The following SGCZ variants were observed in gnomAD, a reference collection of about 807,000 sequenced individuals.
SGCZ encodes zeta-sarcoglycan.
A neutral mutation model predicts 41.3 loss-of-function variants in SGCZ; 40 were observed. The ratio of observed to expected loss-of-function variants is 0.97; its 90% confidence interval spans 0.75 to 1.26. The LOEUF (loss-of-function observed/expected upper bound fraction) is 1.26. SGCZ is among the 50% of genes most tolerant of loss of function. SGCZ has a pLI of 0.00. For missense variants in SGCZ, 552 were observed against 369.8 expected (o/e 1.49, Z -4.04); for synonymous variants, 206 against 137.5 (o/e 1.50, Z -3.49).
chr8:14,665,817 C>A (rs1258099132), intron 1 of SGCZ, among the ~76,000 whole-genome samples: 2 of 152,112 alleles, frequency 1.3e-5, no homozygotes, highest in Non-Finnish European at 2.9e-5. Context: ...TGACAAAAGT[C>A]ATATGGTCAT....
chr8:14,959,225 T>C (rs1025213288), intron 1 of SGCZ, among the ~76,000 whole-genome samples: 8 of 152,118 alleles, frequency 5.3e-5, no homozygotes, highest in Non-Finnish European at 4.4e-5. Flanking sequence ...ATGAACATGA[T>C]ATGTAATTGG....
At chr8:14,098,447 C>A (rs1343571660) in intron 7 of SGCZ, among the ~76,000 whole-genome samples, 1 of 152,066 alleles carries the variant, frequency 6.6e-6, no homozygotes, top group African/African-American at 2.4e-5. Flanking sequence ...CTCTCTTCTC[C>A]CCAGGGAATG....
intron 1 of SGCZ, among the ~76,000 whole-genome samples, chr8:14,637,683 T>C (rs1368697370): frequency 6.6e-6 from 1 of 151,922 alleles, no homozygotes; most frequent in East Asian, 1.9e-4. Flanking sequence ...TAACATTCCA[T>C]GGTGTACATA....
intron 2 of SGCZ, among the ~76,000 whole-genome samples, chr8:14,514,721 A>T (rs533223421): frequency 6.7e-6 from 1 of 148,346 alleles, no homozygotes; most frequent in East Asian, 2.0e-4. Context: ...TTACATATAT[A>T]AACATATTTA....
At chr8:14,512,991 G>A (rs1019290635) in intron 2 of SGCZ, among the ~76,000 whole-genome samples, 1 of 152,236 alleles carries the variant, frequency 6.6e-6, no homozygotes, top group South Asian at 2.1e-4. Flanking sequence ...ATTATTCAGG[G>A]ATATATGCGG....
intron 1 of SGCZ, among the ~76,000 whole-genome samples, chr8:15,030,906 T>C (rs1275838148): frequency 6.6e-6 from 1 of 152,052 alleles, no homozygotes; most frequent in African/African-American, 2.4e-5. Flanking sequence ...ACAGTTTAAG[T>C]AAAGGAAATA....
chr8:14,362,270 C>A (rs1329450033), intron 2 of SGCZ, among the ~76,000 whole-genome samples: 1 of 152,166 alleles, frequency 6.6e-6, no homozygotes, highest in African/African-American at 2.4e-5. Context: ...TTCAGATATG[C>A]CCTGCCCCCG....
intron 1 of SGCZ, among the ~76,000 whole-genome samples, chr8:14,836,347 A>G (rs908110238): frequency 6.6e-5 from 10 of 152,220 alleles, no homozygotes; most frequent in Admixed American, 1.3e-4. Context: ...TATTGGGAGA[A>G]TATTTAAAGA....
At chr8:14,666,177 C>T (rs1358558874) in intron 1 of SGCZ, among the ~76,000 whole-genome samples, 1 of 152,140 alleles carries the variant, frequency 6.6e-6, no homozygotes, top group African/African-American at 2.4e-5. Flanking sequence ...CTAACAAATA[C>T]TAGGGTTGCA....
At chr8:14,668,812 A>C (rs1807997756) in intron 1 of SGCZ, among the ~76,000 whole-genome samples, 1 of 152,162 alleles carries the variant, frequency 6.6e-6, no homozygotes, top group South Asian at 2.1e-4. Flanking sequence ...AAAATTTGAC[A>C]AACATATATT....
intron 4 of SGCZ, among the ~76,000 whole-genome samples, chr8:14,236,417 TG>T (rs1367535331): frequency 2.0e-4 from 31 of 152,240 alleles, no homozygotes; most frequent in Non-Finnish European, 3.5e-4. Context: ...TATGCTAAAA[TG>T]TCTCCTTTTT....
chr8:14,642,864 G>A (rs183880755), intron 1 of SGCZ, among the ~76,000 whole-genome samples: 2 of 151,334 alleles, frequency 1.3e-5, no homozygotes, highest in Non-Finnish European at 3.0e-5. Context: ...GAAAGCATAG[G>A]GCAATATGTT....
chr8:15,122,825 G>C (rs1222749572), intron 1 of SGCZ, among the ~76,000 whole-genome samples: 1 of 152,110 alleles, frequency 6.6e-6, no homozygotes, highest in Non-Finnish European at 1.5e-5. Context: ...TGAGATTCAG[G>C]AGGTCTGGAA....
chr8:14,775,261 T>C (rs1158417321), intron 1 of SGCZ, among the ~76,000 whole-genome samples: 1 of 152,116 alleles, frequency 6.6e-6, no homozygotes, highest in Non-Finnish European at 1.5e-5. Flanking sequence ...GTCTAGAGTG[T>C]AGAGCCCAGA....
At chr8:14,422,473 G>A (rs141646836) in intron 2 of SGCZ, among the ~76,000 whole-genome samples, 1,673 of 152,200 alleles carry the variant, frequency 0.011, 19 homozygotes, top group Middle Eastern at 0.024. Context: ...TGAAAATCTC[G>A]TTTCAAACTT....
chr8:14,774,185 A>G (rs1287392685), intron 1 of SGCZ, among the ~76,000 whole-genome samples: 1 of 152,150 alleles, frequency 6.6e-6, no homozygotes, highest in Non-Finnish European at 1.5e-5. Context: ...AAATGACTGA[A>G]TTTCCCTGAG....
chr8:14,574,558 T>C (rs1057261861), intron 1 of SGCZ, among the ~76,000 whole-genome samples: 1 of 152,284 alleles, frequency 6.6e-6, no homozygotes, highest in Admixed American at 6.5e-5. Context: ...GTTTCCCCAC[T>C]CTGTTGCCAT....
intron 1 of SGCZ, among the ~76,000 whole-genome samples, chr8:14,835,735 G>T (rs148357502): frequency 6.6e-6 from 1 of 152,146 alleles, no homozygotes; most frequent in Admixed American, 6.5e-5. Context: ...TCTTGGTAAC[G>T]CGGGCTGTGT....
intron 1 of SGCZ, among the ~76,000 whole-genome samples, chr8:15,127,812 C>T (rs980728896): frequency 7.9e-5 from 12 of 152,012 alleles, no homozygotes; most frequent in African/African-American, 2.9e-4. Flanking sequence ...AAAAGAAATT[C>T]CAAAGGAGAG....
Sources: allele counts gnomAD v4.1 joint callset (sites outside exome capture counted in the v4.1 genomes callset), GRCh38; gene constraint gnomAD v4.1.1; transcripts MANE v1.5; gene names NCBI Gene and HGNC (gene_info 2026-07-23, HGNC 2026-07-21).